The following FHIT variants were observed in gnomAD, a reference collection of about 807,000 sequenced individuals.
The protein encoded by FHIT is fragile histidine triad diadenosine triphosphatase.
Under a neutral mutation model 17.9 loss-of-function variants are expected in FHIT, and 19 were observed. The ratio of observed to expected loss-of-function variants is 1.06; its 90% confidence interval spans 0.74 to 1.56. The LOEUF is 1.56. FHIT is among the 40% of genes most tolerant of loss of function. FHIT has a pLI of 0.00. For synonymous variants in FHIT, 81 were observed against 69.7 expected, an observed-to-expected ratio of 1.16 and a Z score of -0.81; for missense variants, 248 against 189.2, an observed-to-expected ratio of 1.31 and a Z score of -1.82.
intron 3 of FHIT, among the ~76,000 whole-genome samples, chr3:60,830,468 A>G (rs782704601): frequency 6.6e-6 from 1 of 152,188 alleles, no homozygotes; most frequent in African/African-American, 2.4e-5. Flanking sequence ...CTCTCAGGGA[A>G]TAAGATTCTT....
intron 7 of FHIT, among the ~76,000 whole-genome samples, chr3:60,002,631 T>C (rs1360321659): frequency 2.6e-5 from 4 of 152,192 alleles, no homozygotes; most frequent in Non-Finnish European, 4.4e-5. Context: ...TTATTCTAAT[T>C]CTTCCACATC....
rs1350879962 is a variant in FHIT at position 61,028,864 on chromosome 3, GA to G, written c.-111+13182del. ...TAGACAGAGGGATTCCAGGCAGAAGGAAGAAAATAAGCACCCCCCACCAACA... is the reference window on the plus strand; with the variant it reads ...TAGACAGAGGGATTCCAGGCAGAAGGAGAAAATAAGCACCCCCCACCAACA... On this transcript the variant is annotated intron_variant, in intron 3 of 9. Coordinates refer to ENST00000492590, the MANE Select transcript of FHIT (RefSeq NM_002012.4). 7.7e-5 allele frequency among the ~76,000 whole-genome samples: 11 copies of G among 142,298 alleles called. No homozygotes were observed. The East Asian group carries it at 2.2e-3, about 29-fold the overall frequency. 93.4% of individuals were successfully genotyped at this position (142,298 alleles called of 152,430 possible). A position where few individuals can be genotyped will look rare whatever the true frequency, so the allele number is the denominator to read the frequency against.
chr3:60,275,991 A>AT (rs11457779), intron 5 of FHIT, among the ~76,000 whole-genome samples: 40,982 of 147,730 alleles, frequency 0.28, 7,466 homozygotes, highest in African/African-American at 0.52. Flanking sequence ...TGTTTTTGCA[A>AT]TTTTTTTTTT....
chr3:61,009,008 T>A (rs1267525031), intron 3 of FHIT, among the ~76,000 whole-genome samples: 1 of 152,200 alleles, frequency 6.6e-6, no homozygotes, highest in Non-Finnish European at 1.5e-5. Flanking sequence ...CAAACTCTGC[T>A]TTATTATCCT....
chr3:61,089,239 C>T (rs892911459), intron 2 of FHIT, among the ~76,000 whole-genome samples: 8 of 152,232 alleles, frequency 5.3e-5, no homozygotes, highest in South Asian at 2.1e-4. Flanking sequence ...ATATCCGTAA[C>T]GTAAAATTTA....
At chr3:61,211,930 T>A (rs1358906546) in intron 1 of FHIT, among the ~76,000 whole-genome samples, 2 of 152,126 alleles carry the variant, frequency 1.3e-5, no homozygotes, top group Non-Finnish European at 1.5e-5. Context: ...ACTCCAACAG[T>A]CCTGCAGCTG....
intron 3 of FHIT, among the ~76,000 whole-genome samples, chr3:60,871,519 T>C (rs1351582798): frequency 6.6e-6 from 1 of 152,194 alleles, no homozygotes; most frequent in Non-Finnish European, 1.5e-5. Flanking sequence ...ATTAGGTATA[T>C]AATGATACTT....
chr3:60,004,927 C>T (rs1575862799), intron 7 of FHIT, among the ~76,000 whole-genome samples: 1 of 152,222 alleles, frequency 6.6e-6, no homozygotes, highest in East Asian at 1.9e-4. Context: ...CCATTTGGTC[C>T]TCACAACACT....
At chr3:60,033,553 T>C (rs1201879244) in intron 5 of FHIT, among the ~76,000 whole-genome samples, 2 of 152,110 alleles carry the variant, frequency 1.3e-5, no homozygotes, top group East Asian at 3.8e-4. Context: ...GATAATAATA[T>C]TGCCAATTAG....
chr3:59,928,961 C>T (rs1705811187), intron 7 of FHIT, among the ~76,000 whole-genome samples: 1 of 135,398 alleles, frequency 7.4e-6, no homozygotes, highest in Non-Finnish European at 1.5e-5. Flanking sequence ...CACCACTGCA[C>T]TCCAGCCTGG....
intron 5 of FHIT, among the ~76,000 whole-genome samples, chr3:60,019,114 G>T (rs1299745636): frequency 6.6e-6 from 1 of 152,168 alleles, no homozygotes; most frequent in Non-Finnish European, 1.5e-5. Context: ...TGGAGTCTGG[G>T]CTCAGCTGCA....
At position 59,754,185 on chromosome 3, in the gene FHIT, G is replaced by A. The variant is rs919995696; in HGVS notation, c.349-1864C>T. Among the ~76,000 whole-genome samples, 9 of 148,474 alleles carry A rather than the reference G, an allele frequency of 6.1e-5. 1 individual carries two copies. Among genetic ancestry groups the A allele is most frequent in the African/African-American group, 2.5e-5 (1 of 39,508 alleles). ...GAGGGAACCATAGCCTCGCACTCCC[G>A]CTGAGCTGTATTTCCACTCCTGGTA... On this transcript the variant is annotated intron_variant, in intron 8 of 9. Transcript: ENST00000492590.
intron 5 of FHIT, among the ~76,000 whole-genome samples, chr3:60,386,091 G>C (rs922016223): frequency 6.6e-6 from 1 of 152,106 alleles, no homozygotes; most frequent in Non-Finnish European, 1.5e-5. Context: ...AAGTAACTTG[G>C]CCAGAGCTGC....
chr3:60,863,310 T>A (rs1357678345), intron 3 of FHIT, among the ~76,000 whole-genome samples: 4 of 152,166 alleles, frequency 2.6e-5, no homozygotes, highest in African/African-American at 7.2e-5. Flanking sequence ...GAAGTTGGTT[T>A]TTCTGCAGTC....
At chr3:60,134,093 C>T (rs1241518276) in intron 5 of FHIT, among the ~76,000 whole-genome samples, 1 of 151,842 alleles carries the variant, frequency 6.6e-6, no homozygotes, top group Non-Finnish European at 1.5e-5. Context: ...CATGACCCGT[C>T]CAGGAGAAAT....
At chr3:60,786,569 A>G (rs62249311) in intron 4 of FHIT, among the ~76,000 whole-genome samples, 51,240 of 152,062 alleles carry the variant, frequency 0.34, 10,839 homozygotes, top group East Asian at 0.71. Context: ...ACCTCACAGG[A>G]ACCTTGTGAA....
intron 4 of FHIT, among the ~76,000 whole-genome samples, chr3:60,820,159 T>A (rs1324422744): frequency 1.3e-5 from 2 of 151,844 alleles, no homozygotes; most frequent in Admixed American, 6.6e-5. Context: ...AATACAAAAA[T>A]TAGGTGGGCC....
chr3:60,327,547 T>C (rs536594116), intron 5 of FHIT, among the ~76,000 whole-genome samples: 4 of 152,314 alleles, frequency 2.6e-5, no homozygotes, highest in Admixed American at 6.5e-5. Context: ...GCCAACTCCA[T>C]TGTAGACCAT....
rs918658681 is a variant in FHIT at position 60,971,787 on chromosome 3, T to C, written c.-111+70260A>G. Among the ~76,000 whole-genome samples, 6 of 152,192 alleles carry C rather than the reference T, an allele frequency of 3.9e-5. No homozygotes were observed. The East Asian group carries it at 1.2e-3, about 29-fold the overall frequency. On this transcript the variant is annotated intron_variant, in intron 3 of 9. Coordinates refer to ENST00000492590, the MANE Select transcript of FHIT (RefSeq NM_002012.4). ...AATATTCAGGGCCTGGATCCGTTAA[T>C]TCATTAAAATAAAAAAATAAGAATA...
Sources: allele counts gnomAD v4.1 joint callset (sites outside exome capture counted in the v4.1 genomes callset), GRCh38; gene constraint gnomAD v4.1.1; transcripts MANE v1.5; gene names NCBI Gene and HGNC (gene_info 2026-07-23, HGNC 2026-07-21).